The following SERINC3 variants were observed in gnomAD, a reference collection of about 807,000 sequenced individuals.
The protein encoded by SERINC3 is serine incorporator 3.
A neutral mutation model predicts 52.1 loss-of-function variants in SERINC3; 22 were observed. The observed-to-expected ratio is 0.42, with a 90% CI of 0.30 to 0.60. SERINC3 has a LOEUF of 0.60. Ranked by LOEUF, SERINC3 falls within the 20% of genes least tolerant of loss-of-function variation. The pLI is 0.16. For missense variants in SERINC3, 564 were observed against 584.6 expected (o/e 0.96, Z 0.36); for synonymous variants, 226 against 212.7 (o/e 1.06, Z -0.54).
Position 44,521,881 on chromosome 20 carries a change from G to A in SERINC3, c.39+32C>T, listed in dbSNP as rs200348240. On this transcript the variant is annotated intron_variant, in intron 1 of 9. Transcript: ENST00000342374. ...TCGAGGCCTTTCCCCGCAAACCGCA[G>A]GTCCGGCGAGGACTCGGGACCCCGA... 1.0e-5 allele frequency: 16 copies of A among 1,596,600 alleles called. No individual in the cohort carries two copies. In the East Asian group the frequency reaches 2.7e-4, roughly 27 times the overall value.
intron 1 of SERINC3, among the ~76,000 whole-genome samples, chr20:44,520,146 G>T (rs2064406508): frequency 6.6e-6 from 1 of 152,178 alleles, no homozygotes; most frequent in African/African-American, 2.4e-5. Context: ...CTTTTGGCTG[G>T]GCATGGTGGC....
In SERINC3 at chr20:44,506,876, A is replaced by G. The variant is rs2064317790; in HGVS notation, c.734T>C (p.Leu245Pro). Residue 245 changes from leucine to proline, a missense_variant, in exon 6 of 10, where the codon CTG becomes CCG. Transcript: ENST00000342374. ...TENKFFISIN[L>P]ILCVVASIIS... is the part of the protein sequence containing the mutation. ...AATAGAAGCCACAACGCAAAGGATCAGGTTAATACTGATGAAGAACTTGTT... is the reference window on the plus strand; with the variant it reads ...AATAGAAGCCACAACGCAAAGGATCGGGTTAATACTGATGAAGAACTTGTT... 1 of 1,599,288 alleles carries G rather than the reference A, an allele frequency of 6.3e-7. No homozygotes were observed. Among genetic ancestry groups the G allele is most frequent in the Admixed American group, 1.7e-5 (1 of 58,218 alleles).
At chr20:44,519,879 C>T (rs2123077411) in intron 1 of SERINC3, among the ~76,000 whole-genome samples, 1 of 152,224 alleles carries the variant, frequency 6.6e-6, no homozygotes, top group South Asian at 2.1e-4. Flanking sequence ...TTCCCATTTC[C>T]TGGCATACAA....
chr20:44,520,619 G>T (rs550148015), intron 1 of SERINC3, among the ~76,000 whole-genome samples: 32 of 152,186 alleles, frequency 2.1e-4, no homozygotes, highest in Non-Finnish European at 2.9e-4. Flanking sequence ...GAAGGACGGT[G>T]GGGGGATAGG....
intron 8 of SERINC3, among the ~76,000 whole-genome samples, chr20:44,502,585 CAAA>C (rs1276917464): frequency 7.5e-4 from 55 of 73,630 alleles, no homozygotes; most frequent in African/African-American, 2.2e-3. Context: ...TTCTTCTCTT[CAAA>C]AAAAAAAAAA....
chr20:44,521,891 G>A (rs756595653), intron 1 of SERINC3, 22 bp downstream of exon 1: 91 of 1,603,162 alleles, frequency 5.7e-5, no homozygotes, highest in Non-Finnish European at 1.1e-5. Context: ...GGTCCGGCGA[G>A]GACTCGGGAC....
intron 6 of SERINC3, among the ~76,000 whole-genome samples, chr20:44,506,584 C>CAAAAAAAAAAA (rs1191331026): frequency 7.0e-4 from 10 of 14,262 alleles, no homozygotes; most frequent in African/African-American, 2.1e-3. Context: ...GACTCCATCT[C>CAAAAAAAAAAA]AAAAAAAAAA....
At chr20:44,521,777 G>GGCCCCGGAGACCCTCTGTA in intron 1 of SERINC3, 136 bp downstream of exon 1, 1 of 856,826 alleles carries the variant, frequency 1.2e-6, no homozygotes, top group Non-Finnish European at 1.8e-6. Context: ...TTGCGTCTGG[G>GGCCCCGGAGACCCTCTGTA]GCCCCGGAGA....
downstream of SERINC3, among the ~76,000 whole-genome samples, chr20:44,496,610 A>G (rs1228844656): frequency 6.6e-6 from 1 of 152,166 alleles, no homozygotes; most frequent in Non-Finnish European, 1.5e-5. Context: ...CCTGGCCAAC[A>G]TGGTGAAATC....
Position 44,522,061 on chromosome 20 carries a change from G to T in SERINC3, c.-110C>A, listed in dbSNP as rs1051822581. 26 of 1,227,492 alleles carry T rather than the reference G, an allele frequency of 2.1e-5. No homozygotes were observed. The highest frequency in any genetic ancestry group is 2.7e-5 in the Non-Finnish European group (23 of 862,176). The allele number at this position is 1,227,492 out of a possible 1,614,324, so 76.0% of individuals were successfully genotyped here. On this transcript the variant is annotated 5_prime_UTR_variant, in exon 1 of 10. Coordinates refer to ENST00000342374, the MANE Select transcript of SERINC3 (RefSeq NM_006811.4). ...CATGACGGTTTCTCAGGCCGGAAAC[G>T]CAGCCTTCCACAGACGCACGGATGC...
At chr20:44,521,444 C>T (rs752420780) in intron 1 of SERINC3, among the ~76,000 whole-genome samples, 13 of 152,234 alleles carry the variant, frequency 8.5e-5, no homozygotes, top group Non-Finnish European at 1.3e-4. Flanking sequence ...TCCCTTGCAC[C>T]TGAACTGCAG....
chr20:44,518,973 G>GAAA (rs397757339), intron 1 of SERINC3, among the ~76,000 whole-genome samples: 2 of 61,808 alleles, frequency 3.2e-5, no homozygotes, highest in Admixed American at 2.7e-4. Flanking sequence ...TCTCAAAAAC[G>GAAA]AAAAAAAAAA....
intron 7 of SERINC3, among the ~76,000 whole-genome samples, chr20:44,504,298 G>T (rs369111799): frequency 6.6e-6 from 1 of 152,276 alleles, no homozygotes; most frequent in Non-Finnish European, 1.5e-5. Flanking sequence ...AAGCACAGAA[G>T]TTTATCTCTA....
intron 5 of SERINC3, 42 bp from the exon 6 acceptor site, chr20:44,507,038 A>T: frequency 7.0e-7 from 1 of 1,427,288 alleles, no homozygotes; most frequent in Non-Finnish European, 9.3e-7. Flanking sequence ...CAACTATAAT[A>T]AACTAATAAT....
intron 1 of SERINC3, among the ~76,000 whole-genome samples, chr20:44,521,043 C>G (rs1344583456): frequency 1.3e-5 from 2 of 152,180 alleles, no homozygotes; most frequent in Non-Finnish European, 2.9e-5. Flanking sequence ...GCATCCCCTG[C>G]AGAGCTGACT....
chr20:44,501,168 G>A lies in SERINC3; in HGVS notation c.1188C>T (p.Asn396=), dbSNP rs753959892. The change falls in exon 9 of 10, where the codon AAC becomes AAT. Residue 396 remains asparagine (N), a synonymous_variant. Transcript: ENST00000342374. ...AGCTATACTGCACTCCCTCTTTCTCGTTGTCCACAGCCCGCCGAGGCTGTC... is the reference window on the plus strand; with the variant it reads ...AGCTATACTGCACTCCCTCTTTCTCATTGTCCACAGCCCGCCGAGGCTGTC... ...EDGQPRRAVD[N]EKEGVQYSYS... 1.7e-5 allele frequency: 28 copies of A among 1,614,010 alleles called. No individual in the cohort carries two copies. The highest frequency in any genetic ancestry group is 2.2e-5 in the East Asian group (1 of 44,890).
At chr20:44,510,987 C>G (rs1464384778) in intron 4 of SERINC3, among the ~76,000 whole-genome samples, 1 of 152,066 alleles carries the variant, frequency 6.6e-6, no homozygotes, top group African/African-American at 2.4e-5. Context: ...GATCTTGGCA[C>G]ACTGCAACCT....
At chr20:44,513,256 T>C (rs1282204410) in intron 2 of SERINC3, among the ~76,000 whole-genome samples, 2 of 152,172 alleles carry the variant, frequency 1.3e-5, no homozygotes, top group East Asian at 3.9e-4. Context: ...GGGACCGAGG[T>C]GGGTGGATCA....
In SERINC3 at chr20:44,507,014, A is replaced by G. The variant is rs1459870438; in HGVS notation, c.614-18T>C. 1 of 1,578,600 alleles carries G rather than the reference A, an allele frequency of 6.3e-7. No individual in the cohort carries two copies. Among genetic ancestry groups the G allele is most frequent in the South Asian group, 1.2e-5 (1 of 84,686 alleles). On this transcript the variant is annotated intron_variant, in intron 5 of 9. Transcript: ENST00000342374. ...CAGTAAAGCTGGAGAAAGGGAAACC[A>G]ATATGAATGACCACAACTATAATAA...
Sources: gnomAD v4.1 joint callset for allele counts (sites outside exome capture counted in the v4.1 genomes callset) on GRCh38, gnomAD v4.1.1 for gene constraint, MANE v1.5 for transcripts, NCBI Gene and HGNC (gene_info 2026-07-23, HGNC 2026-07-21) for gene names.